Variants in TRPM2 observed in about 807,000 individuals in gnomAD.
TRPM2 encodes transient receptor potential cation channel subfamily M member 2.
A neutral mutation model predicts 174.0 loss-of-function variants in TRPM2; 161 were observed. That is an observed-to-expected ratio of 0.93 (90% CI 0.81 to 1.05). TRPM2 has a LOEUF of 1.05. Among genes scored for constraint, TRPM2 ranks in the 50% least tolerant of loss-of-function variants. TRPM2 has a pLI of 0.00. For synonymous variants in TRPM2, 954 were observed against 861.3 expected (o/e 1.11, Z -1.88); for missense variants, 2,057 against 2,038.0 (o/e 1.01, Z -0.18).
intron 23 of TRPM2, 97 bp downstream of exon 23, chr21:44,423,829 AG>A: frequency 3.0e-6 from 2 of 677,734 alleles, no homozygotes; most frequent in Non-Finnish European, 4.8e-6. Flanking sequence ...GGCTCTGAGG[AG>A]TGATGGTGAG....
Position 44,418,563 on chromosome 21 carries a change from G to A in TRPM2, c.3461+8G>A. On this transcript the variant is annotated splice_region_variant and intron_variant, in intron 22 of 31. Transcript: ENST00000397928. ...CGAGGACATCAGCAATAAGTATGGG[G>A]GCTCCGGTGGGCCTGGGGGCGGGAA... is the stretch of plus-strand genomic sequence containing the variant. 3 of 1,613,742 alleles carry A rather than the reference G, an allele frequency of 1.9e-6. No homozygotes were observed. Among genetic ancestry groups the A allele is most frequent in the Middle Eastern group, 3.3e-4 (2 of 6,060 alleles).
chr21:44,411,964 A>G (rs1310512587), intron 19 of TRPM2, among the ~76,000 whole-genome samples: 2 of 152,204 alleles, frequency 1.3e-5, no homozygotes, highest in African/African-American at 2.4e-5. Context: ...CTTGGTGAAT[A>G]ATCTCTTTTA....
chr21:44,428,238 T>A (rs1032963754), intron 27 of TRPM2, among the ~76,000 whole-genome samples: 1 of 152,170 alleles, frequency 6.6e-6, no homozygotes, highest in Non-Finnish European at 1.5e-5. Flanking sequence ...AATTAGTTTT[T>A]TTCACTGAGA....
intron 19 of TRPM2, 98 bp from the exon 20 acceptor site, chr21:44,413,793 C>T: frequency 2.1e-6 from 3 of 1,397,920 alleles, no homozygotes; most frequent in South Asian, 2.6e-5. Context: ...CTGCGGGGGA[C>T]CTGGCAGTGA....
chr21:44,386,443 C>T (rs955273323), intron 9 of TRPM2, among the ~76,000 whole-genome samples: 1 of 151,806 alleles, frequency 6.6e-6, no homozygotes, highest in African/African-American at 2.4e-5. Context: ...TTTCTATACA[C>T]TAAAAATGAA....
chr21:44,385,529 G>C (rs1215229588), intron 9 of TRPM2, among the ~76,000 whole-genome samples: 1 of 152,226 alleles, frequency 6.6e-6, no homozygotes, highest in Non-Finnish European at 1.5e-5. Context: ...TGCGTTGGAA[G>C]TTCAAGCCAG....
intron 5 of TRPM2, among the ~76,000 whole-genome samples, chr21:44,372,438 C>T (rs1422246693): frequency 1.3e-5 from 2 of 150,052 alleles, no homozygotes; most frequent in Admixed American, 6.6e-5. Context: ...GAGGTTGCAG[C>T]GAGCCAAGGT....
In TRPM2 at chr21:44,393,035, T is replaced by C. The variant is rs537355293; in HGVS notation, c.1794+1410T>C. The stretch of plus-strand genomic sequence containing the variant: ...AACCCTGCTCTAATCTCCACCCTTA[T>C]CCAATGGGAACCCTGCTCTAATCTC... On this transcript the variant is annotated intron_variant, in intron 11 of 31. Transcript: ENST00000397928. Among the ~76,000 whole-genome samples the C allele has an allele frequency of 3.5e-4, 53 of 152,026 alleles. 1 individual carries two copies. The highest frequency in any genetic ancestry group is 3.3e-3 in the Admixed American group (50 of 15,268).
intron 9 of TRPM2, 77 bp from the exon 10 acceptor site, chr21:44,390,809 GCTCATGACACATCCCTGA>G (rs2049149037): frequency 6.5e-7 from 1 of 1,549,066 alleles, no homozygotes; most frequent in Non-Finnish European, 8.8e-7. Context: ...AGAGGCAAGG[GCTCATGACACATCCCTGA>G]CTCTGACATC....
chr21:44,410,544 G>A (rs1243221895), intron 19 of TRPM2, among the ~76,000 whole-genome samples: 2 of 61,514 alleles, frequency 3.3e-5, no homozygotes, highest in Non-Finnish European at 7.8e-5. Flanking sequence ...CTGTCTTGGC[G>A]TAGCCTTGTA....
intron 18 of TRPM2, 31 bp from the exon 19 acceptor site, chr21:44,406,563 G>C: frequency 6.3e-7 from 1 of 1,590,886 alleles, no homozygotes; most frequent in Non-Finnish European, 8.5e-7. Flanking sequence ...GGGGCCAGGA[G>C]AGTGTAGCCC....
upstream of TRPM2, chr21:44,353,222 A>C (rs2123005445): frequency 6.5e-6 from 1 of 153,102 alleles, no homozygotes; most frequent in African/African-American, 2.4e-5. Flanking sequence ...ATTTTGGAAT[A>C]TGAAAGTAGT....
chr21:44,358,957 C>T (rs1425406621), intron 2 of TRPM2, among the ~76,000 whole-genome samples: 1 of 151,966 alleles, frequency 6.6e-6, no homozygotes, highest in Admixed American at 6.6e-5. Context: ...TGAAAGGGGA[C>T]CCGAGCAGTT....
At chr21:44,400,110 G>A (rs981837300) in intron 14 of TRPM2, 149 bp from the exon 15 acceptor site, 2 of 637,288 alleles carry the variant, frequency 3.1e-6, no homozygotes, top group African/African-American at 3.7e-5. Flanking sequence ...AAAGCCCCAG[G>A]GCAAGCTCTG....
At position 44,364,180 on chromosome 21, in the gene TRPM2, C is replaced by G. The variant is rs2048293463; in HGVS notation, c.321C>G (p.Thr107=). The change falls in exon 3 of 32, where the codon ACC becomes ACG. Residue 107 remains threonine (T), a synonymous_variant. Coordinates refer to ENST00000397928, the MANE Select transcript of TRPM2 (RefSeq NM_003307.4). The part of the protein sequence containing the change: ...QHLEEATKPH[T]FQGTQWDPKK... ...TGGAGGAGGCTACCAAGCCCCACAC[C>G]TTCCAGGGCACACAGTGGGACCCAA... The G allele has an allele frequency of 1.2e-6, 2 of 1,614,090 alleles. No homozygotes were observed. Among genetic ancestry groups the G allele is most frequent in the African/African-American group, 2.7e-5 (2 of 74,946 alleles).
At chr21:44,433,994 C>T (rs901092193) in intron 27 of TRPM2, among the ~76,000 whole-genome samples, 2 of 152,170 alleles carry the variant, frequency 1.3e-5, no homozygotes, top group South Asian at 2.1e-4. Context: ...GGGACGGTAG[C>T]GCAGGCCTGG....
chr21:44,437,178 C>A lies in TRPM2; in HGVS notation c.4167+11C>A, dbSNP rs113044845. ...TGGGCCCTGCCTGGGGTAAGGCTGC[C>A]GCGTGTGGGACCTCTGTCCACTGGG... On this transcript the variant is annotated intron_variant, in intron 29 of 31. Coordinates refer to ENST00000397928, the MANE Select transcript of TRPM2 (RefSeq NM_003307.4). 3.6e-5 allele frequency: 56 copies of A among 1,549,312 alleles called. 3 individuals carry two copies. The African/African-American group carries it at 4.5e-4, about 12-fold the overall frequency.
intron 16 of TRPM2, among the ~76,000 whole-genome samples, chr21:44,404,561 T>A (rs2049794366): frequency 6.6e-6 from 1 of 152,220 alleles, no homozygotes; most frequent in Non-Finnish European, 1.5e-5. Context: ...CTGACCCAGC[T>A]CTCTTCAGAT....
At chr21:44,364,333 C>A (rs559969727) in intron 3 of TRPM2, 51 bp downstream of exon 3, 24 of 1,593,432 alleles carry the variant, frequency 1.5e-5, no homozygotes, top group Non-Finnish European at 2.0e-5. Flanking sequence ...TGCATGGCCC[C>A]ACAGTGACAC....
Sources: allele counts gnomAD v4.1 joint callset (sites outside exome capture counted in the v4.1 genomes callset), GRCh38; gene constraint gnomAD v4.1.1; transcripts MANE v1.5; gene names NCBI Gene and HGNC (gene_info 2026-07-23, HGNC 2026-07-21).